LARS2: variants seen among roughly 807,000 people sequenced by gnomAD.
LARS2 encodes the protein leucyl-tRNA synthetase 2, mitochondrial.
Under a neutral mutation model 116.6 loss-of-function variants are expected in LARS2, and 81 were observed. That is an observed-to-expected ratio of 0.69 (90% CI 0.58 to 0.84). LARS2 has a LOEUF of 0.84. LARS2 is among the 40% of genes least tolerant of loss of function. The pLI is 0.00. For missense variants in LARS2, 968 were observed against 1,114.5 expected (o/e 0.87, Z 1.87); for synonymous variants, 396 against 407.2 (o/e 0.97, Z 0.33).
At chr3:45,500,202 A>T (rs896035638) in intron 14 of LARS2, among the ~76,000 whole-genome samples, 104 of 152,176 alleles carry the variant, frequency 6.8e-4, no homozygotes, top group African/African-American at 2.5e-3. Flanking sequence ...GGGTTTCGCC[A>T]TGTTGGGCAG....
chr3:45,389,737 A>G (rs1697908161), intron 1 of LARS2, among the ~76,000 whole-genome samples: 1 of 152,232 alleles, frequency 6.6e-6, no homozygotes, highest in Non-Finnish European at 1.5e-5. Context: ...GTAAAGGGCC[A>G]AGTTGATCAT....
chr3:45,419,310 G>A (rs1309150260), intron 5 of LARS2, among the ~76,000 whole-genome samples: 1 of 152,184 alleles, frequency 6.6e-6, no homozygotes, highest in Non-Finnish European at 1.5e-5. Flanking sequence ...GCTTATAAAT[G>A]CTTGGCTTAA....
chr3:45,464,826 A>G (rs1393551356), intron 8 of LARS2, among the ~76,000 whole-genome samples: 1 of 152,190 alleles, frequency 6.6e-6, no homozygotes, highest in Non-Finnish European at 1.5e-5. Flanking sequence ...CAGGGCTCTG[A>G]GGACCAGGCC....
chr3:45,417,490 C>A lies in LARS2; in HGVS notation c.372C>A (p.Asn124Lys). ...FQKMRGMQVI[N>K]PMGWDAFGLP... ...CCTCTTCTGGGTCCTAGGTCATCAA[C>A]CCCATGGGATGGGATGCTTTTGGAT... Residue 124 changes from asparagine to lysine, a missense_variant, in exon 5 of 22, where the codon AAC (asparagine) becomes AAA (lysine). By Grantham distance (94) the Asn-to-Lys change is moderately conservative. Coordinates refer to ENST00000645846, the MANE Select transcript of LARS2 (RefSeq NM_015340.4). The A allele has an allele frequency of 6.2e-7, 1 of 1,613,332 alleles. No homozygotes were observed. Among genetic ancestry groups the A allele is most frequent in the South Asian group, 1.1e-5 (1 of 91,044 alleles).
At chr3:45,488,014 C>T (rs1174255457) in intron 11 of LARS2, among the ~76,000 whole-genome samples, 1 of 152,124 alleles carries the variant, frequency 6.6e-6, no homozygotes, top group Non-Finnish European at 1.5e-5. Context: ...GTCAGCCCCG[C>T]TTCTTGAGAG....
chr3:45,450,487 A>G (rs1231526781), intron 7 of LARS2, among the ~76,000 whole-genome samples: 2 of 152,112 alleles, frequency 1.3e-5, no homozygotes, highest in Non-Finnish European at 2.9e-5. Context: ...GAGTGAGAAC[A>G]TTTGGTATTG....
intron 16 of LARS2, 138 bp from the exon 17 acceptor site, chr3:45,515,956 C>A (rs369985602): frequency 6.5e-6 from 4 of 615,804 alleles, no homozygotes; most frequent in South Asian, 4.7e-5. Context: ...GGAGAGAAAG[C>A]GGCTTGTTAA....
intron 20 of LARS2, among the ~76,000 whole-genome samples, chr3:45,530,213 C>A (rs1700594916): frequency 1.3e-5 from 2 of 151,956 alleles, no homozygotes; most frequent in South Asian, 4.1e-4. Context: ...GTTTTTTTAA[C>A]ATATAAACTT....
At chr3:45,420,332 C>G (rs765207929) in intron 6 of LARS2, among the ~76,000 whole-genome samples, 7 of 152,252 alleles carry the variant, frequency 4.6e-5, no homozygotes, top group Non-Finnish European at 7.4e-5. Context: ...GGCCCAAGGC[C>G]CACCCTTTAG....
rs1335607105 is a variant in LARS2, at chr3:45,548,862, G to A, written c.*1332G>A. On this transcript the variant is annotated 3_prime_UTR_variant, in exon 22 of 22. Transcript: ENST00000645846. ...ACTTCAGGACATATGTGTGATCCTGGAATACACCATATTCCAATTTCAGAG... is the reference window on the plus strand; with the variant it reads ...ACTTCAGGACATATGTGTGATCCTGAAATACACCATATTCCAATTTCAGAG... The A allele has an allele frequency of 6.6e-6, 1 of 152,246 alleles. No individual in the cohort carries two copies. The highest frequency in any genetic ancestry group is 1.9e-4 in the East Asian group (1 of 5,184). 9.4% of individuals were successfully genotyped at this position (152,246 alleles called of 1,614,324 possible). A position where few individuals can be genotyped will look rare whatever the true frequency, so the allele number is the denominator to read the frequency against.
At position 45,394,544 on chromosome 3, in the gene LARS2, A is replaced by C. The variant is rs1698011020; in HGVS notation, c.91A>C (p.Arg31=). 2 of 1,614,106 alleles carry C rather than the reference A, an allele frequency of 1.2e-6. No homozygotes were observed. Among genetic ancestry groups the C allele is most frequent in the Middle Eastern group, 1.6e-4 (1 of 6,062 alleles). ...GCCAGATGTCATCAAGTGGGAAAGG[A>C]GAGTAATTCCCGGATGTACCAGAAG... ...GGPDVIKWER[R]VIPGCTRSIY... Residue 31 remains arginine, a synonymous_variant, in exon 3 of 22, where the codon AGA becomes CGA. Coordinates refer to ENST00000645846, the MANE Select transcript of LARS2 (RefSeq NM_015340.4).
chr3:45,394,199 T>C (rs1384838841), intron 2 of LARS2, among the ~76,000 whole-genome samples: 1 of 152,256 alleles, frequency 6.6e-6, no homozygotes, highest in African/African-American at 2.4e-5. Context: ...GTCTCCATTT[T>C]TTCCTACAGG....
intron 1 of LARS2, among the ~76,000 whole-genome samples, chr3:45,389,263 T>G (rs1397478112): frequency 6.6e-6 from 1 of 152,040 alleles, no homozygotes; most frequent in African/African-American, 2.4e-5. Context: ...TTTTTTTTTC[T>G]GCCTCCTACT....
intron 7 of LARS2, 74 bp from the exon 8 acceptor site, chr3:45,458,668 CA>C (rs1699255968): frequency 6.7e-7 from 1 of 1,481,956 alleles, no homozygotes; most frequent in Non-Finnish European, 9.4e-7. Flanking sequence ...GCCCGGGCGA[CA>C]GTGCGACACT....
chr3:45,517,028 A>G (rs1700378377), intron 17 of LARS2, among the ~76,000 whole-genome samples: 1 of 152,214 alleles, frequency 6.6e-6, no homozygotes, highest in Non-Finnish European at 1.5e-5. Context: ...TATCCATGTC[A>G]TTTGAGAAAT....
chr3:45,517,843 C>G, intron 17 of LARS2, 60 bp from the exon 18 acceptor site: 1 of 1,378,804 alleles, frequency 7.3e-7, no homozygotes, highest in Non-Finnish European at 1.0e-6. Flanking sequence ...TTAGTTATAC[C>G]AAGTCAATCA....
chr3:45,447,846 G>T (rs555058298), intron 7 of LARS2, among the ~76,000 whole-genome samples: 5 of 152,288 alleles, frequency 3.3e-5, no homozygotes, highest in East Asian at 3.9e-4. Flanking sequence ...GACTTGGAAT[G>T]GTGGGAGATG....
chr3:45,480,802 A>G (rs1559482489), intron 10 of LARS2, among the ~76,000 whole-genome samples: 1 of 152,222 alleles, frequency 6.6e-6, no homozygotes, highest in Non-Finnish European at 1.5e-5. Flanking sequence ...TAACTGAGAA[A>G]CTGGTATAAT....
chr3:45,527,493 G>A lies in LARS2; in HGVS notation c.2404+3385G>A, dbSNP rs185601547. On this transcript the variant is annotated intron_variant, in intron 20 of 21. Coordinates refer to ENST00000645846, the MANE Select transcript of LARS2 (RefSeq NM_015340.4). ...CAAAAAATTAGCCTGGCATGGTGGC[G>A]GGCACCTGTAGTCCCAGCTACTCGA... 3.6e-3 allele frequency among the ~76,000 whole-genome samples: 548 copies of A among 152,090 alleles called. 4 individuals are homozygous for A. The highest frequency in any genetic ancestry group is 0.012 in the African/African-American group (509 of 41,474).
Sources: gnomAD v4.1 joint callset for allele counts (sites outside exome capture counted in the v4.1 genomes callset) on GRCh38, gnomAD v4.1.1 for gene constraint, MANE v1.5 for transcripts, NCBI Gene and HGNC (gene_info 2026-07-23, HGNC 2026-07-21) for gene names.